The following USP24 variants were observed in gnomAD, a reference collection of about 807,000 sequenced individuals.
USP24 encodes the protein ubiquitin specific peptidase 24.
In USP24, 97 loss-of-function variants were observed where a neutral mutation model predicts 361.6. The ratio of observed to expected loss-of-function variants is 0.27; its 90% CI spans 0.23 to 0.32. The LOEUF (loss-of-function observed/expected upper bound fraction) is 0.32, where lower values mean the gene tolerates loss of function less well. Among genes scored for constraint, USP24 ranks in the 10% least tolerant of loss-of-function variants. USP24 has a pLI of 1.00. For synonymous variants in USP24, 1,098 were observed against 1,124.6 expected, an observed-to-expected ratio of 0.98 and a Z score of 0.47; for missense variants, 2,353 against 3,165.6, an observed-to-expected ratio of 0.74 and a Z score of 6.16.
chr1:55,187,628 C>A (rs919543693), intron 1 of USP24, among the ~76,000 whole-genome samples: 2 of 152,108 alleles, frequency 1.3e-5, no homozygotes, highest in African/African-American at 4.8e-5. Context: ...TATTTCTATA[C>A]ACTAACAACT....
At position 55,069,113 on chromosome 1, in the gene USP24, G is replaced by A. The variant is rs370874999; in HGVS notation, c.7801-6C>T. The stretch of plus-strand genomic sequence containing the variant: ...ATCATGGGAGATTCTGAACCCTGCA[G>A]AAAAGAAAAGGAAGTTAAAGTTCAT... On this transcript the variant is annotated splice_polypyrimidine_tract_variant and splice_region_variant and intron_variant, in intron 67 of 67. Coordinates refer to ENST00000294383, the MANE Select transcript of USP24 (RefSeq NM_015306.3). 3.7e-6 allele frequency: 6 copies of A among 1,613,816 alleles called. No individual in the cohort carries two copies. Among genetic ancestry groups the A allele is most frequent in the Non-Finnish European group, 5.1e-6 (6 of 1,179,880 alleles).
chr1:55,191,891 T>A (rs1644299214), intron 1 of USP24, among the ~76,000 whole-genome samples: 1 of 152,196 alleles, frequency 6.6e-6, no homozygotes. Flanking sequence ...GATCTTTAAG[T>A]TTAAAATATA....
chr1:55,126,939 G>A (rs1035539157), intron 32 of USP24, among the ~76,000 whole-genome samples: 24 of 152,030 alleles, frequency 1.6e-4, no homozygotes, highest in African/African-American at 5.6e-4. Flanking sequence ...AGTACAAGTT[G>A]ACCCCATCAT....
At position 55,073,871 on chromosome 1, in the gene USP24, G is replaced by A. The variant is rs1358534873; in HGVS notation, c.7483C>T (p.Arg2495Cys). 6 of 1,581,696 alleles carry A rather than the reference G, an allele frequency of 3.8e-6. No homozygotes were observed. Among genetic ancestry groups the A allele is most frequent in the Non-Finnish European group, 5.2e-6 (6 of 1,163,128 alleles). The stretch of plus-strand genomic sequence containing the variant: ...AGAAATTTGACACACTGGTAGCAGC[G>A]ACTACTGTCCACATGATTACTGTGG... ...MHHSNHVDSS[R>C]CYQCVKFLVT... The change falls in exon 64 of 68, where the codon CGC (arginine) becomes TGC (cysteine). Residue 2495 changes from arginine to cysteine, a missense_variant. Physicochemically the swap from Arg to Cys is radical, Grantham distance 180. Coordinates refer to ENST00000294383, the MANE Select transcript of USP24 (RefSeq NM_015306.3).
Position 55,125,767 on chromosome 1 carries a change from AG to A in USP24, c.3636-10del. ...TGACATTTACAACCAAACTTCAAAA[AG>A]AAGAAAAAAAGGCAGGATATTAAAG... is the stretch of plus-strand genomic sequence containing the variant. On this transcript the variant is annotated splice_polypyrimidine_tract_variant and intron_variant, in intron 32 of 67. Coordinates refer to ENST00000294383, the MANE Select transcript of USP24 (RefSeq NM_015306.3). 1 of 1,557,570 alleles carries A rather than the reference AG, an allele frequency of 6.4e-7. No homozygotes were observed.
At chr1:55,091,246 G>T (rs901673485) in intron 54 of USP24, among the ~76,000 whole-genome samples, 1 of 152,130 alleles carries the variant, frequency 6.6e-6, no homozygotes, top group East Asian at 1.9e-4. Context: ...GTGCCAGTGA[G>T]CATTACAGCC....
chr1:55,214,945 C>G lies in USP24; in HGVS notation c.169G>C (p.Asp57His). Reference sequence around the variant, plus strand: ...CCGGGGCTGGGGCCACCGCCGCTGTCCATGGGCTCGTAGCCGCCGTAGTCG... The same window carrying G: ...CCGGGGCTGGGGCCACCGCCGCTGTGCATGGGCTCGTAGCCGCCGTAGTCG... ...GLDYGGYEPM[D>H]SGGGPSPGPG... The change falls in exon 1 of 68, where the codon GAC (aspartate) becomes CAC (histidine). Residue 57 changes from aspartate to histidine, a missense_variant. Coordinates refer to ENST00000294383, the MANE Select transcript of USP24 (RefSeq NM_015306.3). The G allele has an allele frequency of 7.1e-7, 1 of 1,413,902 alleles. No homozygotes were observed. The highest frequency in any genetic ancestry group is 9.3e-7 in the Non-Finnish European group (1 of 1,077,262). 87.6% of individuals were successfully genotyped at this position (1,413,902 alleles called of 1,614,324 possible). A position where few individuals can be genotyped will look rare whatever the true frequency, so the allele number is the denominator to read the frequency against.
intron 50 of USP24, among the ~76,000 whole-genome samples, chr1:55,095,881 T>C (rs1645485631): frequency 6.6e-6 from 1 of 152,178 alleles, no homozygotes; most frequent in Non-Finnish European, 1.5e-5. Flanking sequence ...CAAAATCTAA[T>C]ACAGTGAATC....
At chr1:55,101,458 C>T in intron 43 of USP24, 126 bp downstream of exon 43, 4 of 1,277,052 alleles carry the variant, frequency 3.1e-6, no homozygotes, top group Non-Finnish European at 4.3e-6. Context: ...ATTTCAGGAG[C>T]TACTAAAGAA....
intron 1 of USP24, among the ~76,000 whole-genome samples, chr1:55,187,526 T>C (rs1261084966): frequency 6.6e-6 from 1 of 152,158 alleles, no homozygotes; most frequent in Non-Finnish European, 1.5e-5. Flanking sequence ...GATGCCATAA[T>C]TTTGCACAGA....
chr1:55,153,783 C>T (rs944852065), intron 16 of USP24, 87 bp downstream of exon 16: 3 of 1,194,414 alleles, frequency 2.5e-6, no homozygotes, highest in African/African-American at 2.2e-5. Context: ...CTAAAACATA[C>T]TATTATTTTA....
At chr1:55,085,787 C>G (rs1645238061) in intron 56 of USP24, among the ~76,000 whole-genome samples, 155 bp downstream of exon 56, 1 of 152,202 alleles carries the variant, frequency 6.6e-6, no homozygotes, top group South Asian at 2.1e-4. Flanking sequence ...GACAGAATGC[C>G]TTCTCCCTGG....
chr1:55,100,142 C>A (rs534973391), intron 44 of USP24, among the ~76,000 whole-genome samples: 1 of 152,276 alleles, frequency 6.6e-6, no homozygotes, highest in South Asian at 2.1e-4. Context: ...ACAAATCAAC[C>A]TATGGGGAAA....
At chr1:55,162,741 T>C (rs1648421366) in intron 7 of USP24, among the ~76,000 whole-genome samples, 1 of 152,180 alleles carries the variant, frequency 6.6e-6, no homozygotes, top group South Asian at 2.1e-4. Flanking sequence ...CTCTCTGCAC[T>C]GACCTATAAA....
At chr1:55,177,300 T>C (rs189509967) in intron 2 of USP24, among the ~76,000 whole-genome samples, 1 of 152,262 alleles carries the variant, frequency 6.6e-6, no homozygotes, top group East Asian at 1.9e-4. Context: ...TTGGAAAAAG[T>C]ACATTTCTTT....
chr1:55,112,359 T>C (rs1362984489), intron 38 of USP24, among the ~76,000 whole-genome samples: 1 of 152,212 alleles, frequency 6.6e-6, no homozygotes, highest in African/African-American at 2.4e-5. Flanking sequence ...CTTTTAATTG[T>C]GATGTTAGGG....
At chr1:55,105,929 AG>A (rs1645759636) in intron 41 of USP24, among the ~76,000 whole-genome samples, 1 of 152,016 alleles carries the variant, frequency 6.6e-6, no homozygotes, top group African/African-American at 2.4e-5. Context: ...CTCCATTCTG[AG>A]GATAATAATG....
intron 6 of USP24, among the ~76,000 whole-genome samples, 163 bp from the exon 7 acceptor site, chr1:55,166,113 C>T (rs555591167): frequency 6.6e-6 from 1 of 151,004 alleles, no homozygotes; most frequent in South Asian, 2.1e-4. Flanking sequence ...AATGGGGTTT[C>T]CATCCCCTCA....
At position 55,154,683 on chromosome 1, in the gene USP24, A is replaced by G. The variant is rs1184099588; in HGVS notation, c.1542T>C (p.Val514=). ...FNSDQLNHLF[V]LIQKSWETES... ...ACTGAACACGTACCTTCTGAATGAG[A>G]ACAAACAAATGATTAAGCTGATCTG... Residue 514 remains valine, a synonymous_variant, in exon 13 of 68, where the codon GTT becomes GTC. Coordinates refer to ENST00000294383, the MANE Select transcript of USP24 (RefSeq NM_015306.3). 2.5e-6 allele frequency: 4 copies of G among 1,612,960 alleles called. No homozygotes were observed. The East Asian group carries it at 6.7e-5, about 27-fold the overall frequency.
Sources: gnomAD v4.1 joint callset for allele counts (sites outside exome capture counted in the v4.1 genomes callset) on GRCh38, gnomAD v4.1.1 for gene constraint, MANE v1.5 for transcripts, NCBI Gene and HGNC (gene_info 2026-07-23, HGNC 2026-07-21) for gene names.